Variants in RASA3 observed in about 807,000 individuals in gnomAD.
RASA3 encodes the protein ras GTPase-activating protein 3.
In RASA3, 73 loss-of-function variants were observed where a neutral mutation model predicts 110.0. The observed-to-expected ratio is 0.66, with a 90% CI of 0.55 to 0.81. The LOEUF is 0.81. RASA3 is among the 30% of genes least tolerant of loss of function. The pLI is 0.00. For missense variants in RASA3, 976 were observed against 1,113.2 expected (o/e 0.88, Z 1.75); for synonymous variants, 500 against 451.4 (o/e 1.11, Z -1.37).
At chr13:114,072,572 G>A (rs1009371303) in intron 2 of RASA3, among the ~76,000 whole-genome samples, 7 of 152,172 alleles carry the variant, frequency 4.6e-5, no homozygotes, top group African/African-American at 7.2e-5. Context: ...TGGAGTGCGA[G>A]CTTCCCGGTT....
At chr13:114,037,013 T>C (rs2054290897) in intron 4 of RASA3, among the ~76,000 whole-genome samples, 1 of 152,168 alleles carries the variant, frequency 6.6e-6, no homozygotes, top group African/African-American at 2.4e-5. Context: ...CGCATTTGCC[T>C]TCCATAAAGT....
intron 1 of RASA3, among the ~76,000 whole-genome samples, chr13:114,122,614 G>A (rs994886496): frequency 7.9e-5 from 12 of 152,252 alleles, no homozygotes; most frequent in Non-Finnish European, 1.8e-4. Flanking sequence ...CCTGGGCCCG[G>A]GGGTGCAGGT....
chr13:114,020,872 G>A (rs1348751909), intron 9 of RASA3, among the ~76,000 whole-genome samples: 1 of 152,166 alleles, frequency 6.6e-6, no homozygotes, highest in African/African-American at 2.4e-5. Flanking sequence ...GAGCGCAGCC[G>A]CGGCGCAGCC....
At chr13:114,075,245 C>T (rs1329366835) in intron 1 of RASA3, among the ~76,000 whole-genome samples, 3 of 152,216 alleles carry the variant, frequency 2.0e-5, no homozygotes, top group African/African-American at 7.2e-5. Context: ...CTGAATGTTT[C>T]GCGTCAACTC....
At chr13:114,106,177 T>C (rs1181985884) in intron 1 of RASA3, among the ~76,000 whole-genome samples, 1 of 152,144 alleles carries the variant, frequency 6.6e-6, no homozygotes, top group Non-Finnish European at 1.5e-5. Flanking sequence ...TAGAAACATA[T>C]GGGTTTAATG....
At position 114,033,767 on chromosome 13, in the gene RASA3, C is replaced by T. The variant is rs111798658; in HGVS notation, c.373-3880G>A. ...AGGCAGGTGTGGGAGGTGGGGCCTCCGCTGCTGTCCTGAGACTCTGGGGTC... is the reference window on the plus strand; with the variant it reads ...AGGCAGGTGTGGGAGGTGGGGCCTCTGCTGCTGTCCTGAGACTCTGGGGTC... On this transcript the variant is annotated intron_variant, in intron 4 of 23. Transcript: ENST00000334062. Among the ~76,000 whole-genome samples the T allele has an allele frequency of 1.8e-3, 272 of 152,354 alleles. 1 individual carries two copies. The highest frequency in any genetic ancestry group is 6.0e-3 in the African/African-American group (251 of 41,574).
chr13:114,105,050 G>A (rs973429829), intron 1 of RASA3, among the ~76,000 whole-genome samples: 5 of 151,840 alleles, frequency 3.3e-5, no homozygotes, highest in Non-Finnish European at 5.9e-5. Context: ...GCCAATTGGC[G>A]CACCCTCCTC....
At chr13:114,069,473 CGGGGGCCGGG>C (rs2079519210) in intron 2 of RASA3, among the ~76,000 whole-genome samples, 2 of 51,776 alleles carry the variant, frequency 3.9e-5, no homozygotes, top group East Asian at 5.6e-4. Flanking sequence ...CTGGGAGACT[CGGGGGCCGGG>C]AGACTCGGGG....
rs114659246 is a variant in RASA3 at position 114,003,250 on chromosome 13, G to A, written c.1743-2318C>T. On this transcript the variant is annotated intron_variant, in intron 18 of 23. Coordinates refer to ENST00000334062, the MANE Select transcript of RASA3 (RefSeq NM_007368.4). ...AACCTTGGTGTGAGTCGCAGGTGGT[G>A]CAGCTGCTGGAAGGAGCTGGTGGAG... Among the ~76,000 whole-genome samples, 1,507 of 152,316 alleles carry A rather than the reference G, an allele frequency of 9.9e-3. 19 individuals carry two copies. The highest frequency in any genetic ancestry group is 0.035 in the African/African-American group (1,449 of 41,564).
intron 1 of RASA3, among the ~76,000 whole-genome samples, chr13:114,081,905 G>T (rs908399804): frequency 6.6e-6 from 1 of 152,122 alleles, no homozygotes; most frequent in African/African-American, 2.4e-5. Flanking sequence ...CATCTCCTGG[G>T]GCTGTGACTC....
intron 7 of RASA3, among the ~76,000 whole-genome samples, chr13:114,026,335 C>A (rs2054025349): frequency 6.6e-6 from 1 of 152,240 alleles, no homozygotes. Flanking sequence ...CAGGGCCCAC[C>A]CTCCCCCTGG....
Position 113,997,214 on chromosome 13 carries a change from C to T in RASA3, c.1933-475G>A, listed in dbSNP as rs139372766. ...GACCAGCCCAGGATTCTTCCTCCTC[C>T]TCCCAGCTGGGGTTAGGGGGCTGCT... On this transcript the variant is annotated intron_variant, in intron 20 of 23. Coordinates refer to ENST00000334062, the MANE Select transcript of RASA3 (RefSeq NM_007368.4). 1.6e-3 allele frequency among the ~76,000 whole-genome samples: 245 copies of T among 152,330 alleles called. 2 individuals carry two copies. The highest frequency in any genetic ancestry group is 5.8e-3 in the African/African-American group (241 of 41,576).
intron 4 of RASA3, among the ~76,000 whole-genome samples, chr13:114,032,099 T>C (rs1378496535): frequency 6.6e-6 from 1 of 152,220 alleles, no homozygotes; most frequent in Non-Finnish European, 1.5e-5. Context: ...ATTTATTCCC[T>C]ATACAAGTTA....
Position 113,992,046 on chromosome 13 carries a change from GT to G in RASA3, c.2245+438del, listed in dbSNP as rs1594282408. Among the ~76,000 whole-genome samples the G allele has an allele frequency of 2.0e-5, 3 of 150,142 alleles. 1 individual carries two copies. The East Asian group carries it at 5.9e-4, about 30-fold the overall frequency. ...ACACATCCACACTCATACATGTCAT[GT>G]CCACACATTCACACACGCTCACACA... On this transcript the variant is annotated intron_variant, in intron 22 of 23. Coordinates refer to ENST00000334062, the MANE Select transcript of RASA3 (RefSeq NM_007368.4).
chr13:114,080,079 G>A (rs1193391955), intron 1 of RASA3, among the ~76,000 whole-genome samples: 1 of 152,244 alleles, frequency 6.6e-6, no homozygotes, highest in East Asian at 1.9e-4. Context: ...TCTGGGCCGA[G>A]TCGAGGGCAG....
intron 1 of RASA3, among the ~76,000 whole-genome samples, chr13:114,097,740 C>T (rs914875783): frequency 2.6e-5 from 4 of 152,320 alleles, no homozygotes; most frequent in East Asian, 3.9e-4. Flanking sequence ...GACGCTGAGA[C>T]GGGAGCTGAT....
chr13:114,047,001 G>A (rs1018504617), intron 3 of RASA3, among the ~76,000 whole-genome samples: 7 of 152,136 alleles, frequency 4.6e-5, no homozygotes, highest in African/African-American at 1.7e-4. Flanking sequence ...CGCCACAACC[G>A]TGGAATAGGC....
chr13:114,025,797 T>A (rs978283595), intron 7 of RASA3, among the ~76,000 whole-genome samples: 3 of 152,226 alleles, frequency 2.0e-5, no homozygotes, highest in Admixed American at 2.0e-4. Flanking sequence ...GAACATCTGT[T>A]TTCCTGGGTC....
intron 23 of RASA3, 96 bp from the exon 24 acceptor site, chr13:113,979,518 C>A: frequency 1.0e-6 from 1 of 968,020 alleles, no homozygotes; most frequent in Non-Finnish European, 1.7e-6. Context: ...AAATGTGACA[C>A]ACTCACACTG....
Sources: allele counts gnomAD v4.1 joint callset (sites outside exome capture counted in the v4.1 genomes callset), GRCh38; gene constraint gnomAD v4.1.1; transcripts MANE v1.5; gene names NCBI Gene and HGNC (gene_info 2026-07-23, HGNC 2026-07-21).